SRRM2: variants seen among roughly 807,000 people sequenced by gnomAD.
SRRM2 encodes serine/arginine repetitive matrix 2, also known as serine/arginine repetitive matrix protein 2.
In SRRM2, 30 loss-of-function variants were observed where a neutral mutation model predicts 213.8. That is an observed-to-expected ratio of 0.14 (90% confidence interval 0.10 to 0.19). The LOEUF is 0.19. Among genes scored for constraint, SRRM2 ranks in the 10% least tolerant of loss-of-function variants. The pLI is 1.00. For missense variants in SRRM2, 4,904 were observed against 3,647.0 expected (o/e 1.34, Z -8.88); for synonymous variants, 2,025 against 1,377.7 (o/e 1.47, Z -10.40).
rs765001062 is a variant in SRRM2, at chr16:2,765,499, C to T, written c.4971C>T (p.Ser1657=). The T allele has an allele frequency of 2.5e-6, 4 of 1,614,200 alleles. No individual in the cohort carries two copies. The highest frequency in any genetic ancestry group is 1.7e-5 in the Admixed American group (1 of 60,028). Residue 1657 remains serine, a synonymous_variant, in exon 11 of 15, where the codon TCC becomes TCT. Coordinates refer to ENST00000301740, the MANE Select transcript of SRRM2 (RefSeq NM_016333.4). ...PSPEGSSSTE[S]SPEHPPKSRT... ...CTGAAGGAAGCAGCAGTACCGAGTC[C>T]TCTCCTGAACATCCGCCCAAATCCA...
chr16:2,760,331 A>G lies in SRRM2; in HGVS notation c.864A>G (p.Thr288=), dbSNP rs774126228. Residue 288 remains threonine (T), a synonymous_variant, in exon 10 of 15, where the codon ACA becomes ACG. Coordinates refer to ENST00000301740, the MANE Select transcript of SRRM2 (RefSeq NM_016333.4). Reference sequence around the variant, plus strand: ...GAAGTGCTGCAGCTAAAACTCATACAACTGCCTTGGCTGGGCGAAGTCCTT... The same window carrying G: ...GAAGTGCTGCAGCTAAAACTCATACGACTGCCTTGGCTGGGCGAAGTCCTT... The part of the protein sequence containing the change: ...RSRSAAAKTH[T]TALAGRSPSP... 2 of 1,613,954 alleles carry G rather than the reference A, an allele frequency of 1.2e-6. No homozygotes were observed. The highest frequency in any genetic ancestry group is 2.2e-5 in the East Asian group (1 of 44,888).
Position 2,771,242 on chromosome 16 carries a change from T to G in SRRM2, c.*375T>G, listed in dbSNP as rs1596300278. ...GGTTGGGACTGGAGGTTGTATAAGG[T>G]GTTCTTGGAAGGAAGGGGCAGGAGT... On this transcript the variant is annotated 3_prime_UTR_variant, in exon 15 of 15. Coordinates refer to ENST00000301740, the MANE Select transcript of SRRM2 (RefSeq NM_016333.4). 1 of 708,676 alleles carries G rather than the reference T, an allele frequency of 1.4e-6. No individual in the cohort carries two copies. Among genetic ancestry groups the G allele is most frequent in the Non-Finnish European group, 2.5e-6 (1 of 404,848 alleles). The allele number at this position is 708,676 out of a possible 1,614,324, so 43.9% of individuals were successfully genotyped here.
chr16:2,764,770 C>G lies in SRRM2; in HGVS notation c.4242C>G (p.Pro1414=), dbSNP rs764683627. The G allele has an allele frequency of 5.0e-6, 8 of 1,614,062 alleles. No homozygotes were observed. The highest frequency in any genetic ancestry group is 5.1e-6 in the Non-Finnish European group (6 of 1,180,038). ...SPVLDAVPRT[P]SRERSSSASS... is the part of the protein sequence containing the mutation. ...TGCTTGATGCTGTACCCAGAACACC[C>G]TCGAGAGAAAGAAGTAGTTCTGCAT... The change falls in exon 11 of 15, where the codon CCC becomes CCG. Residue 1414 remains proline, a synonymous_variant. Coordinates refer to ENST00000301740, the MANE Select transcript of SRRM2 (RefSeq NM_016333.4).
In SRRM2 at chr16:2,765,140, C is replaced by A. The variant is rs781505083; in HGVS notation, c.4612C>A (p.Arg1538Ser). 1 of 1,614,026 alleles carries A rather than the reference C, an allele frequency of 6.2e-7. No homozygotes were observed. The highest frequency in any genetic ancestry group is 1.3e-5 in the African/African-American group (1 of 74,918). Residue 1538 changes from arginine to serine, a missense_variant, in exon 11 of 15, where the codon CGT becomes AGT. Physicochemically the swap from Arg to Ser is moderately radical, Grantham distance 110. Coordinates refer to ENST00000301740, the MANE Select transcript of SRRM2 (RefSeq NM_016333.4). ...VARTPLGQRSRSGSSQELDVK... is the reference protein window; with the variant it reads ...VARTPLGQRSSSGSSQELDVK... ...TCGGACTCCCCTGGGGCAGAGAAGT[C>A]GTTCGGGATCCTCTCAAGAACTTGA...
chr16:2,756,538 G>T lies in SRRM2; in HGVS notation c.174G>T (p.Leu58=). ...TGAAGCGGCCTAATCCTGACATCCT[G>T]GACCACGAGCGCAAGCGGCGCGTCG... ...ALVKRPNPDI[L]DHERKRRVEL... is the part of the protein sequence containing the mutation. Residue 58 remains leucine (L), a synonymous_variant, in exon 2 of 15, where the codon CTG becomes CTT. Coordinates refer to ENST00000301740, the MANE Select transcript of SRRM2 (RefSeq NM_016333.4). 6.2e-7 allele frequency: 1 copy of T among 1,614,132 alleles called. No homozygotes were observed. The highest frequency in any genetic ancestry group is 8.5e-7 in the Non-Finnish European group (1 of 1,180,006).
In SRRM2 at chr16:2,767,150, A is replaced by G; in HGVS notation, c.6622A>G (p.Met2208Val). Residue 2208 changes from methionine to valine, a missense_variant, in exon 11 of 15, where the codon ATG (methionine) becomes GTG (valine). By Grantham distance (21) the Met-to-Val change is conservative. Coordinates refer to ENST00000301740, the MANE Select transcript of SRRM2 (RefSeq NM_016333.4). ...GTCTGCTGCTGGCCTTGCTGCAAGAATGTCCCAGGTTCCAGCCCCGGTGCC... is the reference window on the plus strand; with the variant it reads ...GTCTGCTGCTGGCCTTGCTGCAAGAGTGTCCCAGGTTCCAGCCCCGGTGCC... Reference protein sequence around the residue: ...SMSAAGLAARMSQVPAPVPLM... With the variant: ...SMSAAGLAARVSQVPAPVPLM... 1 of 1,614,170 alleles carries G rather than the reference A, an allele frequency of 6.2e-7. No homozygotes were observed. The highest frequency in any genetic ancestry group is 1.6e-4 in the Middle Eastern group (1 of 6,062).
rs1344256634 is a variant in SRRM2, at chr16:2,763,383, C to T, written c.2855C>T (p.Ser952Leu). 1 of 1,614,098 alleles carries T rather than the reference C, an allele frequency of 6.2e-7. No homozygotes were observed. Among genetic ancestry groups the T allele is most frequent in the Non-Finnish European group, 8.5e-7 (1 of 1,180,056 alleles). The change falls in exon 11 of 15, where the codon TCA becomes TTA. Residue 952 changes from serine (S) to leucine (L), a missense_variant. Coordinates refer to ENST00000301740, the MANE Select transcript of SRRM2 (RefSeq NM_016333.4). ...AGAACAACTCCACGGCGAAGCAGATCAGTATCTCCCTGCTCCAATGTGGAA... is the reference window on the plus strand; with the variant it reads ...AGAACAACTCCACGGCGAAGCAGATTAGTATCTCCCTGCTCCAATGTGGAA... Reference protein sequence around the residue: ...TSRTTPRRSRSVSPCSNVESR... With the variant: ...TSRTTPRRSRLVSPCSNVESR...
In SRRM2 at chr16:2,767,424, G is replaced by C. The variant is rs779376165; in HGVS notation, c.6896G>C (p.Gly2299Ala). The change falls in exon 11 of 15, where the codon GGG becomes GCG. Residue 2299 changes from glycine to alanine, a missense_variant. Physicochemically the swap from Gly to Ala is moderately conservative, Grantham distance 60 (BLOSUM62 0). Coordinates refer to ENST00000301740, the MANE Select transcript of SRRM2 (RefSeq NM_016333.4). The part of the protein sequence containing the change: ...TPTAPAVNLA[G>A]ARTPAALAAL... ...ACAGCCCCAGCTGTGAACCTAGCAG[G>C]GGCCAGAACCCCAGCTGCCTTGGCA... The C allele has an allele frequency of 1.8e-5, 29 of 1,613,862 alleles. No homozygotes were observed. The highest frequency in any genetic ancestry group is 2.4e-5 in the Non-Finnish European group (28 of 1,179,992).
intron 1 of SRRM2, among the ~76,000 whole-genome samples, chr16:2,755,413 A>G (rs1038736802): frequency 3.0e-4 from 46 of 152,176 alleles, no homozygotes; most frequent in African/African-American, 1.0e-3. Flanking sequence ...GGGTTTCTAC[A>G]TAGATTTAGG....
chr16:2,756,324 T>TC lies in SRRM2; in HGVS notation c.-31-5dup, dbSNP rs1379543920. On this transcript the variant is annotated splice_polypyrimidine_tract_variant and intron_variant, in intron 1 of 14. Coordinates refer to ENST00000301740, the MANE Select transcript of SRRM2 (RefSeq NM_016333.4). ...AGGGGCCTGACCCGTGTCTCCCCGCTCCCCCTCAGGAGCGGTGGTGCCCCC... is the reference window on the plus strand; with the variant it reads ...AGGGGCCTGACCCGTGTCTCCCCGCTCCCCCCTCAGGAGCGGTGGTGCCCCC... The TC allele has an allele frequency of 2.8e-5, 43 of 1,547,264 alleles. No individual in the cohort carries two copies. Among genetic ancestry groups the TC allele is most frequent in the Non-Finnish European group, 3.4e-5 (39 of 1,152,646 alleles).
Position 2,770,593 on chromosome 16 carries a change from C to T in SRRM2, c.8136-11C>T, listed in dbSNP as rs981867691. ...GCCACCCTGTGGCCTGATGTCTGTC[C>T]TGTGTTGCAGCAGCAGCAGTGAGCG... On this transcript the variant is annotated splice_polypyrimidine_tract_variant and intron_variant, in intron 13 of 14. Coordinates refer to ENST00000301740, the MANE Select transcript of SRRM2 (RefSeq NM_016333.4). The T allele has an allele frequency of 1.3e-6, 2 of 1,553,244 alleles. No homozygotes were observed. The highest frequency in any genetic ancestry group is 1.7e-4 in the Middle Eastern group (1 of 5,992).
rs767314384 is a variant in SRRM2, at chr16:2,756,545, G to T, written c.181G>T (p.Glu61Ter). ...GCCTAATCCTGACATCCTGGACCAC[G>T]AGCGCAAGCGGCGCGTCGAGCTGCG... is the stretch of plus-strand genomic sequence containing the variant. The part of the protein sequence containing the change: ...KRPNPDILDH[E>*]RKRRVELRCL... Residue 61 changes from glutamate to a stop codon, truncating the protein, a stop_gained, in exon 2 of 15, where the codon GAG becomes TAG. Transcript: ENST00000301740. LOFTEE classifies it high-confidence loss of function. 6.2e-7 allele frequency: 1 copy of T among 1,614,084 alleles called. No homozygotes were observed. Among genetic ancestry groups the T allele is most frequent in the South Asian group, 1.1e-5 (1 of 91,068 alleles).
chr16:2,762,476 A>G lies in SRRM2; in HGVS notation c.1948A>G (p.Arg650Gly). 1 of 1,613,882 alleles carries G rather than the reference A, an allele frequency of 6.2e-7. No homozygotes were observed. The change falls in exon 11 of 15, where the codon AGA (arginine) becomes GGA (glycine). Residue 650 changes from arginine to glycine, a missense_variant. Physicochemically the swap from Arg to Gly is moderately radical, Grantham distance 125. Transcript: ENST00000301740. ...CAGGAGAAGTGGCAGGTCACGCTCT[A>G]GAACCCCAGCTAGACGTGGCCGCTC... The part of the protein sequence containing the change: ...PARRSGRSRS[R>G]TPARRGRSRS...
rs1271422779 is a variant in SRRM2 at position 2,758,088 on chromosome 16, C to T, written c.515+143C>T. On this transcript the variant is annotated intron_variant, in intron 4 of 14. Coordinates refer to ENST00000301740, the MANE Select transcript of SRRM2 (RefSeq NM_016333.4). ...AGTTGAGGTGTCCAAAAAAATGTGT[C>T]CAAGGGTTAGTCACAGTGGGTCACG... The T allele has an allele frequency of 3.9e-6, 4 of 1,014,136 alleles. No individual in the cohort carries two copies. The Admixed American group carries it at 1.0e-4, about 26-fold the overall frequency. The allele number at this position is 1,014,136 out of a possible 1,614,324, so 62.8% of individuals were successfully genotyped here. A position where few individuals can be genotyped will look rare whatever the true frequency, so the allele number is the denominator to read the frequency against.
Position 2,760,365 on chromosome 16 carries a change from T to A in SRRM2, c.898T>A (p.Ser300Thr), listed in dbSNP as rs1293179138. ...ALAGRSPSPASGRRGEGDAPF... is the reference protein window; with the variant it reads ...ALAGRSPSPATGRRGEGDAPF... Reference sequence around the variant, plus strand: ...GGCTGGGCGAAGTCCTTCCCCTGCTTCAGGGCGACGCGGGGAGGGAGATGC... The same window carrying A: ...GGCTGGGCGAAGTCCTTCCCCTGCTACAGGGCGACGCGGGGAGGGAGATGC... Residue 300 changes from serine to threonine, a missense_variant, in exon 10 of 15, where the codon TCA becomes ACA. Physicochemically the swap from Ser to Thr is moderately conservative, Grantham distance 58. Transcript: ENST00000301740. 1 of 1,613,942 alleles carries A rather than the reference T, an allele frequency of 6.2e-7. No individual in the cohort carries two copies. The highest frequency in any genetic ancestry group is 1.7e-5 in the Admixed American group (1 of 60,000).
chr16:2,756,465 C>T lies in SRRM2; in HGVS notation c.101C>T (p.Pro34Leu), dbSNP rs1023548294. ...GTGCGGGGCCGCCGGGGTGAGCGGC[C>T]TGACTACAAGGGAGAGGAGGAACTG... ...SLVRGRRGERPDYKGEEELRR... is the reference protein window; with the variant it reads ...SLVRGRRGERLDYKGEEELRR... The change falls in exon 2 of 15, where the codon CCT becomes CTT. Residue 34 changes from proline (P) to leucine (L), a missense_variant. By Grantham distance (98) the Pro-to-Leu change is moderately conservative (BLOSUM62 -3). Transcript: ENST00000301740. 32 of 1,613,558 alleles carry T rather than the reference C, an allele frequency of 2.0e-5. No homozygotes were observed. Among genetic ancestry groups the T allele is most frequent in the Non-Finnish European group, 2.6e-5 (31 of 1,179,830 alleles).
rs1297363538 is a variant in SRRM2 at position 2,765,133 on chromosome 16, G to A, written c.4605G>A (p.Gln1535=). ...CTGTGGCTCGGACTCCCCTGGGGCA[G>A]AGAAGTCGTTCGGGATCCTCTCAAG... ...QKTVARTPLG[Q]RSRSGSSQEL... Residue 1535 remains glutamine (Q), a synonymous_variant, in exon 11 of 15, where the codon CAG becomes CAA. Coordinates refer to ENST00000301740, the MANE Select transcript of SRRM2 (RefSeq NM_016333.4). 11 of 1,614,090 alleles carry A rather than the reference G, an allele frequency of 6.8e-6. No homozygotes were observed. The highest frequency in any genetic ancestry group is 4.5e-5 in the East Asian group (2 of 44,896).
At position 2,761,753 on chromosome 16, in the gene SRRM2, C is replaced by G. The variant is rs776351994; in HGVS notation, c.1225C>G (p.Pro409Ala). ...TCGGGACCGTTCACCACCTAAGTCT[C>G]CCGAGAAACTTCCCCAGTCTTCTTC... is the stretch of plus-strand genomic sequence containing the variant. The part of the protein sequence containing the change: ...PTRDRSPPKS[P>A]EKLPQSSSSE... The change falls in exon 11 of 15, where the codon CCC (proline) becomes GCC (alanine). Residue 409 changes from proline (P) to alanine (A), a missense_variant. Transcript: ENST00000301740. 3 of 1,612,952 alleles carry G rather than the reference C, an allele frequency of 1.9e-6. No individual in the cohort carries two copies. Among genetic ancestry groups the G allele is most frequent in the Admixed American group, 1.7e-5 (1 of 59,890 alleles).
Position 2,762,219 on chromosome 16 carries a change from C to T in SRRM2, c.1691C>T (p.Ser564Phe), listed in dbSNP as rs767336593. 1.9e-6 allele frequency: 3 copies of T among 1,613,994 alleles called. No homozygotes were observed. The highest frequency in any genetic ancestry group is 1.7e-5 in the Admixed American group (1 of 60,004). ...SRSARRGRSH[S>F]RSPATRGRSR... ...TCAGCAAGGCGAGGGAGGTCCCACTCTAGATCCCCAGCCACTAGGGGTAGA... is the reference window on the plus strand; with the variant it reads ...TCAGCAAGGCGAGGGAGGTCCCACTTTAGATCCCCAGCCACTAGGGGTAGA... The change falls in exon 11 of 15, where the codon TCT becomes TTT. Residue 564 changes from serine to phenylalanine, a missense_variant. Physicochemically the swap from Ser to Phe is radical, Grantham distance 155. Coordinates refer to ENST00000301740, the MANE Select transcript of SRRM2 (RefSeq NM_016333.4).
Sources: allele counts gnomAD v4.1 joint callset (sites outside exome capture counted in the v4.1 genomes callset), GRCh38; gene constraint gnomAD v4.1.1; transcripts MANE v1.5; gene names NCBI Gene and HGNC (gene_info 2026-07-23, HGNC 2026-07-21).